ZPBP: variants seen among roughly 807,000 people sequenced by gnomAD.
ZPBP encodes zona pellucida binding protein, also known as zona pellucida-binding protein 1.
Under a neutral mutation model 44.8 loss-of-function variants are expected in ZPBP, and 26 were observed. The observed-to-expected ratio is 0.58, with a 90% CI of 0.43 to 0.81. The LOEUF (loss-of-function observed/expected upper bound fraction) is 0.81, where lower values mean the gene tolerates loss of function less well. Ranked by LOEUF, ZPBP falls within the 30% of genes least tolerant of loss-of-function variation. The pLI is 0.00. For synonymous variants in ZPBP, 174 were observed against 153.2 expected (o/e 1.14, Z -1.00); for missense variants, 409 against 434.0 (o/e 0.94, Z 0.51).
intron 2 of ZPBP, among the ~76,000 whole-genome samples, chr7:49,856,805 C>T (rs567350377): frequency 2.6e-5 from 4 of 151,886 alleles, no homozygotes; most frequent in East Asian, 1.9e-4. Context: ...GTCAGGAGAT[C>T]GAGACCATCC....
At chr7:49,849,167 C>T (rs1477508026), downstream of ZPBP, among the ~76,000 whole-genome samples, 1 of 152,174 alleles carries the variant, frequency 6.6e-6, no homozygotes, top group African/African-American at 2.4e-5. Flanking sequence ...CCCAGGGAAA[C>T]CCCACTGGAT....
At chr7:49,980,010 TATTA>T (rs1182819752) in intron 7 of ZPBP, among the ~76,000 whole-genome samples, 4 of 74,364 alleles carry the variant, frequency 5.4e-5, no homozygotes, top group Non-Finnish European at 7.4e-5. Flanking sequence ...ATATTATATA[TATTA>T]TAATATAATT....
At chr7:49,924,292 T>C (rs955469258) in intron 1 of ZPBP, among the ~76,000 whole-genome samples, 2 of 152,002 alleles carry the variant, frequency 1.3e-5, no homozygotes, top group East Asian at 3.8e-4. Flanking sequence ...ATAAAATACA[T>C]AAATACCTGA....
downstream of ZPBP, among the ~76,000 whole-genome samples, chr7:49,847,830 G>A (rs920858271): frequency 3.3e-5 from 5 of 152,168 alleles, no homozygotes; most frequent in African/African-American, 1.2e-4. Flanking sequence ...GGCTCTCAGT[G>A]TGAAAGCCCG....
At chr7:49,926,002 A>T (rs1298467132) in intron 1 of ZPBP, among the ~76,000 whole-genome samples, 1 of 152,118 alleles carries the variant, frequency 6.6e-6, no homozygotes, top group Non-Finnish European at 1.5e-5. Context: ...ACCTGCTTGG[A>T]CTCAGTCCTG....
intron 4 of ZPBP, among the ~76,000 whole-genome samples, chr7:50,035,345 T>C (rs986059386): frequency 6.6e-6 from 1 of 152,350 alleles, no homozygotes; most frequent in South Asian, 2.1e-4. Context: ...AGTTATTCAA[T>C]TGCCAGCACA....
At chr7:50,060,182 T>G (rs1467792932) in intron 3 of ZPBP, among the ~76,000 whole-genome samples, 2 of 151,418 alleles carry the variant, frequency 1.3e-5, no homozygotes, top group Non-Finnish European at 2.9e-5. Context: ...ACATTTGGGC[T>G]GGCAAGGGAG....
intron 4 of ZPBP, among the ~76,000 whole-genome samples, chr7:50,035,805 T>C (rs1400300052): frequency 6.6e-6 from 1 of 151,880 alleles, no homozygotes; most frequent in East Asian, 1.9e-4. Flanking sequence ...TTTAAGAAAA[T>C]GTAAAAATGT....
chr7:50,022,943 C>T (rs4917107), intron 5 of ZPBP, among the ~76,000 whole-genome samples: 120,833 of 151,960 alleles, frequency 0.8, 48,199 homozygotes, highest in East Asian at 0.87. Flanking sequence ...TTCCAAACTT[C>T]CCTGAGCTTT....
chr7:50,085,632 C>G (rs1326878621), intron 2 of ZPBP, among the ~76,000 whole-genome samples: 1 of 152,026 alleles, frequency 6.6e-6, no homozygotes, highest in Admixed American at 6.6e-5. Flanking sequence ...AAAGGCTGCC[C>G]GTACTTGACC....
chr7:50,011,826 C>A (rs182095087), intron 6 of ZPBP, among the ~76,000 whole-genome samples: 2 of 151,886 alleles, frequency 1.3e-5, no homozygotes, highest in African/African-American at 2.4e-5. Context: ...CCAAGGCGGG[C>A]GGATCACAAG....
chr7:49,858,663 C>T (rs115175281), intron 2 of ZPBP, among the ~76,000 whole-genome samples: 2,044 of 151,786 alleles, frequency 0.013, 38 homozygotes, highest in African/African-American at 0.047. Flanking sequence ...ATGTAACAAA[C>T]CTGCGTTGTG....
chr7:49,892,035 T>G lies in ZPBP; in HGVS notation n.509+9083A>C, dbSNP rs924862388. ...TTGGCAGAACAGACAAAGTAGATTT[T>G]TTTTTTTTTTTTTTTTTTTTTTTTT... On this transcript the variant is annotated intron_variant and non_coding_transcript_variant, in intron 2 of 2. Coordinates refer to the ZPBP transcript ENST00000465922. Among the ~76,000 whole-genome samples, 470 of 109,800 alleles carry G rather than the reference T, an allele frequency of 4.3e-3. 28 individuals carry two copies. The highest frequency in any genetic ancestry group is 0.016 in the African/African-American group (434 of 27,076). 72.0% of individuals were successfully genotyped at this position (109,800 alleles called of 152,430 possible).
At chr7:49,937,668 A>C in intron 7 of ZPBP, 46 bp from the exon 8 acceptor site, 3 of 1,424,706 alleles carry the variant, frequency 2.1e-6, no homozygotes, top group Non-Finnish European at 3.0e-6. Flanking sequence ...CCTAATACAC[A>C]TAATATAAAA....
intron 2 of ZPBP, among the ~76,000 whole-genome samples, chr7:49,875,763 A>G (rs1791390664): frequency 6.6e-6 from 1 of 152,142 alleles, no homozygotes; most frequent in Non-Finnish European, 1.5e-5. Flanking sequence ...AGCCCTTAAA[A>G]CAATGCCATA....
intron 6 of ZPBP, among the ~76,000 whole-genome samples, chr7:49,998,770 G>T (rs1271535106): frequency 6.6e-6 from 1 of 151,998 alleles, no homozygotes; most frequent in Non-Finnish European, 1.5e-5. Flanking sequence ...AGAAACTCCA[G>T]AACTATTTCA....
chr7:49,940,043 T>C (rs923710324), intron 7 of ZPBP, among the ~76,000 whole-genome samples: 13 of 152,152 alleles, frequency 8.5e-5, no homozygotes, highest in African/African-American at 2.9e-4. Context: ...CTTGGCTACA[T>C]CAACCAACAG....
intron 2 of ZPBP, among the ~76,000 whole-genome samples, chr7:49,854,550 T>C (rs990104230): frequency 5.9e-5 from 9 of 152,258 alleles, no homozygotes; most frequent in African/African-American, 2.2e-4. Context: ...GCCCACTTTT[T>C]GATGGGGTTG....
chr7:49,881,278 C>A (rs1311048324), intron 2 of ZPBP, among the ~76,000 whole-genome samples: 1 of 152,158 alleles, frequency 6.6e-6, no homozygotes, highest in Non-Finnish European at 1.5e-5. Flanking sequence ...TTTCATCAAC[C>A]AGCTAAATCT....
Sources: allele counts gnomAD v4.1 joint callset (sites outside exome capture counted in the v4.1 genomes callset), GRCh38; gene constraint gnomAD v4.1.1; transcripts MANE v1.5; gene names NCBI Gene and HGNC (gene_info 2026-07-23, HGNC 2026-07-21).